Variants in COL9A1 observed in about 807,000 individuals in gnomAD.
COL9A1 encodes collagen alpha-1(IX) chain.
In COL9A1, 104 loss-of-function variants were observed where a neutral mutation model predicts 142.6. That is an observed-to-expected ratio of 0.73 (90% CI 0.62 to 0.86). The LOEUF (loss-of-function observed/expected upper bound fraction) is 0.86, where lower values mean the gene tolerates loss of function less well. Ranked by LOEUF, COL9A1 falls within the 40% of genes least tolerant of loss-of-function variation. The probability of loss-of-function intolerance (pLI) is 0.00; values close to 1 mark genes in which losing one functional copy is unlikely to be tolerated. For synonymous variants in COL9A1, 466 were observed against 396.0 expected, an observed-to-expected ratio of 1.18 and a Z score of -2.10; for missense variants, 1,210 against 1,176.6, an observed-to-expected ratio of 1.03 and a Z score of -0.42.
rs779929764 is a variant in COL9A1 at position 70,269,632 on chromosome 6, C to T, written c.1230+1G>A. 6.3e-7 allele frequency: 1 copy of T among 1,588,974 alleles called. No homozygotes were observed. Among genetic ancestry groups the T allele is most frequent in the Non-Finnish European group, 8.6e-7 (1 of 1,157,060 alleles). ...ATTTTGTTCAAAGGAAAGCATCTTA[C>T]CAATGGATCTCCATCATGAAAGCCA... is the stretch of plus-strand genomic sequence containing the variant. On this transcript the variant is annotated splice_donor_variant, in intron 16 of 37. Coordinates refer to ENST00000357250, the MANE Select transcript of COL9A1 (RefSeq NM_001851.6). LOFTEE classifies it high-confidence loss of function.
intron 7 of COL9A1, among the ~76,000 whole-genome samples, chr6:70,281,730 G>A (rs1240079373): frequency 6.6e-6 from 1 of 152,180 alleles, no homozygotes; most frequent in Non-Finnish European, 1.5e-5. Flanking sequence ...CACCTCTGCA[G>A]AGTGCATTAA....
chr6:70,247,237 G>A (rs1442554804), intron 28 of COL9A1, among the ~76,000 whole-genome samples: 1 of 152,182 alleles, frequency 6.6e-6, no homozygotes, highest in African/African-American at 2.4e-5. Context: ...TTATAAACAA[G>A]TACTGGGTGT....
intron 4 of COL9A1, among the ~76,000 whole-genome samples, chr6:70,295,281 C>CT (rs1171549562): frequency 0.35 from 22,387 of 63,084 alleles, 6,878 homozygotes; most frequent in East Asian, 0.4. Context: ...GTTGTTGCTT[C>CT]TTTTTTTTTT....
At chr6:70,282,545 T>G (rs1339902513) in intron 7 of COL9A1, among the ~76,000 whole-genome samples, 2 of 137,306 alleles carry the variant, frequency 1.5e-5, no homozygotes, top group African/African-American at 5.6e-5. Context: ...CAGCAAGGCC[T>G]GCTGTTGACA....
chr6:70,257,085 G>T (rs1262329072), intron 20 of COL9A1, among the ~76,000 whole-genome samples: 1 of 126,148 alleles, frequency 7.9e-6, no homozygotes, highest in Non-Finnish European at 1.6e-5. Context: ...TTGTAGACAG[G>T]GTTTCGCTCT....
chr6:70,234,257 T>C (rs1324582245), intron 35 of COL9A1, among the ~76,000 whole-genome samples: 6 of 145,938 alleles, frequency 4.1e-5, no homozygotes, highest in Admixed American at 1.4e-4. Context: ...TGTGTGTGTG[T>C]GCACTTTGTT....
Position 70,216,404 on chromosome 6 carries a change from A to T in COL9A1, c.*493T>A, listed in dbSNP as rs1768505730. On this transcript the variant is annotated 3_prime_UTR_variant, in exon 38 of 38. Transcript: ENST00000357250. The stretch of plus-strand genomic sequence containing the variant: ...ACTCCAGAGACAGCACATCGATGAG[A>T]TTTTAAGCACCAATTCCATTGAATG... 2 of 171,896 alleles carry T rather than the reference A, an allele frequency of 1.2e-5. No homozygotes were observed. The highest frequency in any genetic ancestry group is 2.5e-5 in the Non-Finnish European group (2 of 78,688). The allele number at this position is 171,896 out of a possible 1,614,324, so 10.6% of individuals were successfully genotyped here.
At chr6:70,252,624 T>A (rs983193372) in intron 26 of COL9A1, among the ~76,000 whole-genome samples, 2 of 152,216 alleles carry the variant, frequency 1.3e-5, no homozygotes, top group African/African-American at 4.8e-5. Context: ...TAATAATATA[T>A]GTCTTTCCTT....
chr6:70,248,667 G>A (rs1770742696), intron 28 of COL9A1, among the ~76,000 whole-genome samples: 1 of 152,122 alleles, frequency 6.6e-6, no homozygotes, highest in South Asian at 2.1e-4. Flanking sequence ...TTTTATAGCA[G>A]GTGAGAAGTC....
In COL9A1 at chr6:70,294,699, T is replaced by C. The variant is rs76693521; in HGVS notation, c.300-136A>G. On this transcript the variant is annotated intron_variant, in intron 4 of 37. Transcript: ENST00000357250. ...AGTGTAAAAACCTATGTACCGTTTG[T>C]TCTTTCATGACTGTTCATAAAGACC... The C allele has an allele frequency of 9.8e-4, 772 of 788,886 alleles. 5 individuals carry two copies. In the African/African-American group the frequency reaches 0.012, roughly 12 times the overall value. The allele number at this position is 788,886 out of a possible 1,614,324, so 48.9% of individuals were successfully genotyped here. A position where few individuals can be genotyped will look rare whatever the true frequency, so the allele number is the denominator to read the frequency against.
intron 26 of COL9A1, among the ~76,000 whole-genome samples, chr6:70,252,761 C>T (rs1438759443): frequency 1.3e-5 from 2 of 152,134 alleles, no homozygotes; most frequent in East Asian, 3.9e-4. Context: ...TCAGCAAGCT[C>T]TAGGGAAAGC....
intron 5 of COL9A1, 95 bp downstream of exon 5, chr6:70,294,072 G>T: frequency 1.4e-6 from 2 of 1,477,656 alleles, no homozygotes; most frequent in Non-Finnish European, 1.9e-6. Flanking sequence ...TCTGGGACAT[G>T]CTGCACTCAG....
At chr6:70,283,642 G>T in intron 6 of COL9A1, 95 bp downstream of exon 6, 1 of 863,076 alleles carries the variant, frequency 1.2e-6, no homozygotes, top group South Asian at 1.4e-5. Flanking sequence ...GAGTGGGGAG[G>T]AGGGGTGCTG....
In COL9A1 at chr6:70,285,799, G is replaced by A. The variant is rs528235688; in HGVS notation, c.697-1979C>T. ...TCTCAACATAAAATATTTCTCCATT[G>A]TCTCAAGGAGAAATGAGTAGTGTGT... On this transcript the variant is annotated intron_variant, in intron 5 of 37. Coordinates refer to ENST00000357250, the MANE Select transcript of COL9A1 (RefSeq NM_001851.6). Among the ~76,000 whole-genome samples, 16 of 152,334 alleles carry A rather than the reference G, an allele frequency of 1.1e-4. No homozygotes were observed. In the East Asian group the frequency reaches 2.9e-3, roughly 28 times the overall value.
In COL9A1 at chr6:70,220,373, T is replaced by G. The variant is rs1455639556; in HGVS notation, c.2582-3292A>C. On this transcript the variant is annotated intron_variant, in intron 37 of 37. Coordinates refer to ENST00000357250, the MANE Select transcript of COL9A1 (RefSeq NM_001851.6). ...ATTTTTTTAACTCTGTGGAAGGGTG[T>G]GGAGGGGTGTGGCAGGGTGTGTGTG... is the stretch of plus-strand genomic sequence containing the variant. Among the ~76,000 whole-genome samples the G allele has an allele frequency of 1.6e-3, 210 of 133,500 alleles. 1 individual carries two copies. Among genetic ancestry groups the G allele is most frequent in the African/African-American group, 5.5e-3 (201 of 36,358 alleles). The allele number at this position is 133,500 out of a possible 152,430, so 87.6% of individuals were successfully genotyped here. A position where few individuals can be genotyped will look rare whatever the true frequency, so the allele number is the denominator to read the frequency against.
chr6:70,222,609 A>T (rs1768949254), intron 37 of COL9A1: 1 of 152,230 alleles, frequency 6.6e-6, no homozygotes, highest in Non-Finnish European at 1.5e-5. Flanking sequence ...ACAGCATTGG[A>T]GAGGGGAGAC....
intron 7 of COL9A1, 80 bp from the exon 8 acceptor site, chr6:70,281,544 G>A (rs1345626590): frequency 3.7e-6 from 4 of 1,093,384 alleles, no homozygotes; most frequent in Non-Finnish European, 5.3e-6. Flanking sequence ...TGAAGCCCCC[G>A]CCTCCGTGGG....
intron 29 of COL9A1, chr6:70,242,243 G>A (rs1036373555): frequency 7.9e-6 from 5 of 629,222 alleles, no homozygotes; most frequent in African/African-American, 7.2e-5. Context: ...CCACCCTAAG[G>A]TCCTCAGTTC....
At chr6:70,268,896 C>A in intron 16 of COL9A1, 36 bp from the exon 17 acceptor site, 1 of 1,598,734 alleles carries the variant, frequency 6.3e-7, no homozygotes, top group Non-Finnish European at 8.6e-7. Flanking sequence ...GAAAGAAAGA[C>A]AGACAGAGTG....
Sources: allele counts gnomAD v4.1 joint callset (sites outside exome capture counted in the v4.1 genomes callset), GRCh38; gene constraint gnomAD v4.1.1; transcripts MANE v1.5; gene names NCBI Gene and HGNC (gene_info 2026-07-23, HGNC 2026-07-21).